The following TMC1 variants were observed in gnomAD, a reference collection of about 807,000 sequenced individuals.
TMC1 encodes transmembrane channel like 1, also known as transmembrane channel-like protein 1.
In TMC1, 84 loss-of-function variants were observed where a neutral mutation model predicts 105.8. The observed-to-expected ratio is 0.79, with a 90% CI of 0.67 to 0.95. The LOEUF (loss-of-function observed/expected upper bound fraction) is 0.95, where lower values mean the gene tolerates loss of function less well. Among genes scored for constraint, TMC1 ranks in the 40% least tolerant of loss-of-function variants. The probability of loss-of-function intolerance (pLI) is 0.00; values close to 1 mark genes in which losing one functional copy is unlikely to be tolerated. For synonymous variants in TMC1, 315 were observed against 311.5 expected (o/e 1.01, Z -0.12); for missense variants, 817 against 914.1 (o/e 0.89, Z 1.37).
At chr9:72,648,114 A>G (rs1256781987) in intron 4 of TMC1, among the ~76,000 whole-genome samples, 3 of 152,220 alleles carry the variant, frequency 2.0e-5, no homozygotes, top group African/African-American at 7.2e-5. Flanking sequence ...ATTGATTGCT[A>G]TGTTGAATGT....
intron 12 of TMC1, among the ~76,000 whole-genome samples, chr9:72,766,588 G>A (rs1474080441): frequency 6.6e-6 from 1 of 152,130 alleles, no homozygotes; most frequent in Admixed American, 6.5e-5. Context: ...CAGCAGCCAT[G>A]TCCCCTGTGT....
At chr9:72,706,935 C>T (rs1341270652) in intron 8 of TMC1, among the ~76,000 whole-genome samples, 2 of 152,162 alleles carry the variant, frequency 1.3e-5, no homozygotes, top group East Asian at 3.9e-4. Flanking sequence ...CCACAACACC[C>T]AGCTAATTTT....
intron 13 of TMC1, among the ~76,000 whole-genome samples, chr9:72,776,975 G>T: frequency 6.6e-6 from 1 of 151,498 alleles, no homozygotes; most frequent in East Asian, 1.9e-4. Flanking sequence ...GAGTTTTATG[G>T]CCTTGATGTG....
chr9:72,539,866 T>A (rs975644120), intron 1 of TMC1, among the ~76,000 whole-genome samples: 4 of 152,172 alleles, frequency 2.6e-5, no homozygotes, highest in African/African-American at 9.7e-5. Flanking sequence ...GAAAGGGGTT[T>A]ATTTGGCTCA....
intron 4 of TMC1, among the ~76,000 whole-genome samples, chr9:72,645,383 A>G (rs72731202): frequency 0.1 from 15,224 of 152,222 alleles, 942 homozygotes; most frequent in African/African-American, 0.16. Flanking sequence ...GAACATTAAT[A>G]GGAGATGAAA....
intron 23 of TMC1, among the ~76,000 whole-genome samples, chr9:72,835,661 A>G (rs1829110011): frequency 6.6e-6 from 1 of 151,976 alleles, no homozygotes; most frequent in African/African-American, 2.4e-5. Context: ...AAAATATAAA[A>G]TATTCATCAC....
At chr9:72,568,200 AC>A (rs536127886) in intron 1 of TMC1, among the ~76,000 whole-genome samples, 125 of 151,408 alleles carry the variant, frequency 8.3e-4, no homozygotes, top group African/African-American at 2.9e-3. Flanking sequence ...CCACTTCTCA[AC>A]CCCCCAAACT....
intron 13 of TMC1, among the ~76,000 whole-genome samples, chr9:72,786,767 C>A (rs941209535): frequency 6.6e-6 from 1 of 152,134 alleles, no homozygotes; most frequent in African/African-American, 2.4e-5. Context: ...ACACCCTTTC[C>A]CACATGTTAG....
intron 1 of TMC1, among the ~76,000 whole-genome samples, chr9:72,536,080 T>A (rs1054460946): frequency 9.2e-5 from 14 of 152,218 alleles, no homozygotes; most frequent in African/African-American, 3.4e-4. Flanking sequence ...TCAAATACAA[T>A]CATTTCTTCC....
intron 18 of TMC1, among the ~76,000 whole-genome samples, chr9:72,806,527 G>T (rs550409275): frequency 6.7e-6 from 1 of 148,646 alleles, no homozygotes; most frequent in Non-Finnish European, 1.5e-5. Context: ...GGGCGGAGGG[G>T]CTCCTCACTT....
At chr9:72,703,347 G>A (rs967014463) in intron 8 of TMC1, among the ~76,000 whole-genome samples, 4 of 151,956 alleles carry the variant, frequency 2.6e-5, no homozygotes, top group African/African-American at 7.3e-5. Flanking sequence ...GGCTGATCTC[G>A]AACTCCTGGC....
intron 8 of TMC1, among the ~76,000 whole-genome samples, chr9:72,715,975 A>G (rs984484360): frequency 6.6e-6 from 1 of 151,992 alleles, no homozygotes; most frequent in Non-Finnish European, 1.5e-5. Context: ...TGTTGATACT[A>G]TTCCTTTCTG....
rs527322330 is a variant in TMC1 at position 72,614,173 on chromosome 9, C to G, written c.-305-2195C>G. Among the ~76,000 whole-genome samples the G allele has an allele frequency of 1.3e-4, 20 of 152,298 alleles. No homozygotes were observed. In the South Asian group the frequency reaches 4.0e-3, roughly 30 times the overall value. ...CAGAGACCATGACACTCCCCACCTTCACCCCCACACATTGTTTGTTTGTGT... is the reference window on the plus strand; with the variant it reads ...CAGAGACCATGACACTCCCCACCTTGACCCCCACACATTGTTTGTTTGTGT... On this transcript the variant is annotated intron_variant, in intron 2 of 23. Transcript: ENST00000297784.
chr9:72,777,380 C>A (rs776280863), intron 13 of TMC1, among the ~76,000 whole-genome samples: 2 of 152,000 alleles, frequency 1.3e-5, no homozygotes, highest in Non-Finnish European at 2.9e-5. Flanking sequence ...CCTCATAGAC[C>A]CCAGTCTAAT....
chr9:72,754,470 C>T (rs541835036), intron 11 of TMC1, among the ~76,000 whole-genome samples: 1 of 152,282 alleles, frequency 6.6e-6, no homozygotes, highest in East Asian at 1.9e-4. Context: ...GGCTACCTCT[C>T]TCCTTTCCAG....
In TMC1 at chr9:72,806,446, C is replaced by T. The variant is rs887020544; in HGVS notation, c.1695+936C>T. Among the ~76,000 whole-genome samples, 6 of 150,274 alleles carry T rather than the reference C, an allele frequency of 4.0e-5. No homozygotes were observed. The South Asian group carries it at 6.3e-4, about 16-fold the overall frequency. On this transcript the variant is annotated intron_variant, in intron 18 of 23. Coordinates refer to ENST00000297784, the MANE Select transcript of TMC1 (RefSeq NM_138691.3). ...GGACGGGGTGGCTGCCGGGCGGAGA[C>T]GCTCCTCAGTTCCCAGACTGGGTGG...
At chr9:72,611,393 A>T (rs1327031909) in intron 2 of TMC1, among the ~76,000 whole-genome samples, 2 of 152,242 alleles carry the variant, frequency 1.3e-5, no homozygotes, top group Non-Finnish European at 2.9e-5. Context: ...GTAAAGGTTG[A>T]TAAGACTTGG....
At chr9:72,575,907 T>A (rs1185552654) in intron 1 of TMC1, among the ~76,000 whole-genome samples, 1 of 151,004 alleles carries the variant, frequency 6.6e-6, no homozygotes, top group East Asian at 2.0e-4. Context: ...GAAACTGGGC[T>A]CACACACACA....
intron 12 of TMC1, among the ~76,000 whole-genome samples, chr9:72,772,176 AT>A (rs1442159493): frequency 3.3e-5 from 5 of 152,296 alleles, no homozygotes; most frequent in South Asian, 4.1e-4. Flanking sequence ...GCAAGCCTGT[AT>A]TTGCTTAAAA....
Sources: gnomAD v4.1 joint callset for allele counts (sites outside exome capture counted in the v4.1 genomes callset) on GRCh38, gnomAD v4.1.1 for gene constraint, MANE v1.5 for transcripts, NCBI Gene and HGNC (gene_info 2026-07-23, HGNC 2026-07-21) for gene names.